PPP2R5B: variants seen among roughly 807,000 people sequenced by gnomAD.
PPP2R5B encodes the protein serine/threonine-protein phosphatase 2A 56 kDa regulatory subunit beta isoform.
Under a neutral mutation model 59.9 loss-of-function variants are expected in PPP2R5B, and 19 were observed. The ratio of observed to expected loss-of-function variants is 0.32; its 90% CI spans 0.22 to 0.47. The LOEUF (loss-of-function observed/expected upper bound fraction) is 0.47. Among genes scored for constraint, PPP2R5B ranks in the 20% least tolerant of loss-of-function variants. The probability of loss-of-function intolerance (pLI) is 1.00; values close to 1 mark genes in which losing one functional copy is unlikely to be tolerated. For missense variants in PPP2R5B, 441 were observed against 640.2 expected (o/e 0.69, Z 3.36); for synonymous variants, 286 against 260.5 (o/e 1.10, Z -0.94).
chr11:64,934,041 C>A lies in PPP2R5B; in HGVS notation c.*197C>A. On this transcript the variant is annotated 3_prime_UTR_variant, in exon 14 of 14. Transcript: ENST00000164133. The stretch of plus-strand genomic sequence containing the variant: ...TGGTCTTGGCAACAGAATGCTCAGC[C>A]CCTCGTGGCAGGACTTGACAAGGGC... 1.6e-6 allele frequency: 1 copy of A among 622,306 alleles called. No homozygotes were observed. Among genetic ancestry groups the A allele is most frequent in the Non-Finnish European group, 2.5e-6 (1 of 400,884 alleles). The allele number at this position is 622,306 out of a possible 1,614,324, so 38.5% of individuals were successfully genotyped here.
At chr11:64,933,070 G>C (rs1945244868) in intron 12 of PPP2R5B, 75 bp from the exon 13 acceptor site, 1 of 1,502,832 alleles carries the variant, frequency 6.7e-7, no homozygotes, top group African/African-American at 1.4e-5. Context: ...AATGCTGTAT[G>C]TGAAGGGCAG....
chr11:64,931,420 C>A lies in PPP2R5B; in HGVS notation c.892-16C>A. On this transcript the variant is annotated splice_polypyrimidine_tract_variant and intron_variant, in intron 8 of 13. Coordinates refer to ENST00000164133, the MANE Select transcript of PPP2R5B (RefSeq NM_006244.4). The surrounding 1 kb of genome is among the most constrained non-coding windows in gnomAD (Gnocchi z 5.0). ...CCTGACCTGTCTTCCTTCCCTCCAC[C>A]TGTCACCCCCTGCAGCTGGCATACT... 6.2e-7 allele frequency: 1 copy of A among 1,613,930 alleles called. No individual in the cohort carries two copies. The highest frequency in any genetic ancestry group is 1.1e-5 in the South Asian group (1 of 91,024).
intron 12 of PPP2R5B, 102 bp downstream of exon 12, chr11:64,932,994 G>A: frequency 3.9e-6 from 6 of 1,550,018 alleles, no homozygotes; most frequent in Non-Finnish European, 5.3e-6. Context: ...ATCAGAGAAA[G>A]CATCAAAAGA....
intron 11 of PPP2R5B, 74 bp from the exon 12 acceptor site, chr11:64,932,691 G>A: frequency 6.4e-7 from 1 of 1,564,742 alleles, no homozygotes; most frequent in Non-Finnish European, 8.7e-7. Flanking sequence ...CGTTGAGGTA[G>A]TGATGGACAC....
At position 64,925,738 on chromosome 11, in the gene PPP2R5B, G is replaced by A; in HGVS notation, c.4G>A (p.Glu2Lys). Residue 2 changes from glutamate to lysine, a missense_variant, in exon 2 of 14, where the codon GAG becomes AAG. Physicochemically the swap from Glu to Lys is moderately conservative, Grantham distance 56 (BLOSUM62 1). This residue lies in a region of PPP2R5B where 103 missense variants were observed against 87.9 expected (regional missense o/e 1.17). Coordinates refer to ENST00000164133, the MANE Select transcript of PPP2R5B (RefSeq NM_006244.4). This position sits in a 1 kb window ranked among gnomAD's most constrained non-coding sequence, Gnocchi z 4.6. Reference sequence around the variant, plus strand: ...CTTGCCCTGCCGCCTGACCGCCATGGAGACGAAGCTGCCCCCTGCAAGCAC... The same window carrying A: ...CTTGCCCTGCCGCCTGACCGCCATGAAGACGAAGCTGCCCCCTGCAAGCAC... M[E>K]TKLPPASTPT... 1 of 1,589,306 alleles carries A rather than the reference G, an allele frequency of 6.3e-7. No individual in the cohort carries two copies. The highest frequency in any genetic ancestry group is 8.6e-7 in the Non-Finnish European group (1 of 1,164,274).
At position 64,933,730 on chromosome 11, in the gene PPP2R5B, A is replaced by G; in HGVS notation, c.1380A>G (p.Leu460=). 1 of 1,558,034 alleles carries G rather than the reference A, an allele frequency of 6.4e-7. No individual in the cohort carries two copies. Among genetic ancestry groups the G allele is most frequent in the Non-Finnish European group, 8.7e-7 (1 of 1,150,438 alleles). Residue 460 remains leucine (L), a synonymous_variant, in exon 14 of 14, where the codon TTA becomes TTG. Coordinates refer to ENST00000164133, the MANE Select transcript of PPP2R5B (RefSeq NM_006244.4). ...EQQKAQERQE[L]WQGLEELRLR... is the part of the protein sequence containing the mutation. ...AGAAGGCCCAGGAGCGTCAGGAGTT[A>G]TGGCAAGGTCTGGAGGAGCTGCGGC...
chr11:64,927,039 C>CG, intron 3 of PPP2R5B, 131 bp downstream of exon 3: 1 of 1,075,612 alleles, frequency 9.3e-7, no homozygotes, highest in East Asian at 2.6e-5. Context: ...GTCTTCCTTC[C>CG]CCCCGACCTG....
chr11:64,930,233 G>A (rs1036940122), intron 6 of PPP2R5B, 89 bp from the exon 7 acceptor site: 69 of 1,411,826 alleles, frequency 4.9e-5, no homozygotes, highest in Middle Eastern at 2.4e-4. Context: ...TGAGCGTGCC[G>A]TGCAGGTGAG....
In PPP2R5B at chr11:64,930,928, CA is replaced by C. The variant is rs376687722; in HGVS notation, c.891+340del. 2.7e-3 allele frequency among the ~76,000 whole-genome samples: 407 copies of C among 152,132 alleles called. 1 individual carries two copies. The highest frequency in any genetic ancestry group is 9.3e-3 in the African/African-American group (386 of 41,488). ...GTACTCTGTTGCCTCAGCTGGAGAGCAGTGGTATGAACATGGCTCACTGAAG... is the reference window on the plus strand; with the variant it reads ...GTACTCTGTTGCCTCAGCTGGAGAGCGTGGTATGAACATGGCTCACTGAAG... On this transcript the variant is annotated intron_variant, in intron 8 of 13. Transcript: ENST00000164133.
At chr11:64,919,890 G>A (rs1357091704), upstream of PPP2R5B, among the ~76,000 whole-genome samples, 1 of 152,082 alleles carries the variant, frequency 6.6e-6, no homozygotes, top group Non-Finnish European at 1.5e-5. Flanking sequence ...GGAGACCAAG[G>A]CTACGTGCCT....
chr11:64,926,944 G>T, intron 3 of PPP2R5B, 36 bp downstream of exon 3: 4 of 1,598,854 alleles, frequency 2.5e-6, no homozygotes, highest in Non-Finnish European at 3.4e-6. Flanking sequence ...AGGGCCGGCC[G>T]AGAGGGCGTG....
Position 64,926,738 on chromosome 11 carries a change from C to T in PPP2R5B, c.226C>T (p.Leu76=), listed in dbSNP as rs1251850978. Residue 76 remains leucine (L), a synonymous_variant, in exon 3 of 14, where the codon CTG becomes TTG. Transcript: ENST00000164133. ...TGTGCCGGCTTCCGAGCTGCACGAG[C>T]TGCTGAGCCGGAAGCTGGCCCAGTG... ...KDVPASELHE[L]LSRKLAQCGV... The T allele has an allele frequency of 1.2e-6, 2 of 1,614,186 alleles. No homozygotes were observed. The highest frequency in any genetic ancestry group is 8.5e-7 in the Non-Finnish European group (1 of 1,180,020).
At position 64,925,634 on chromosome 11, in the gene PPP2R5B, A is replaced by C. The variant is rs1277687927; in HGVS notation, c.-101A>C. On this transcript the variant is annotated 5_prime_UTR_variant, in exon 2 of 14. Transcript: ENST00000164133. This position sits in a 1 kb window ranked among gnomAD's most constrained non-coding sequence, Gnocchi z 4.6. Reference sequence around the variant, plus strand: ...GTTGTGCCCCCCCCCCAAAGGCCGGACAGGATGGGACCAAGTTAGTCTGTC... The same window carrying C: ...GTTGTGCCCCCCCCCCAAAGGCCGGCCAGGATGGGACCAAGTTAGTCTGTC... The C allele has an allele frequency of 2.1e-3, 725 of 340,388 alleles. No individual in the cohort carries two copies. The highest frequency in any genetic ancestry group is 5.5e-3 in the East Asian group (53 of 9,684). The allele number at this position is 340,388 out of a possible 1,614,324, so 21.1% of individuals were successfully genotyped here.
chr11:64,931,357 T>G lies in PPP2R5B; in HGVS notation c.892-79T>G. 1 of 1,495,910 alleles carries G rather than the reference T, an allele frequency of 6.7e-7. No individual in the cohort carries two copies. Among genetic ancestry groups the G allele is most frequent in the Non-Finnish European group, 9.2e-7 (1 of 1,081,516 alleles). 92.7% of individuals were successfully genotyped at this position (1,495,910 alleles called of 1,614,324 possible). A position where few individuals can be genotyped will look rare whatever the true frequency, so the allele number is the denominator to read the frequency against. On this transcript the variant is annotated intron_variant, in intron 8 of 13. Coordinates refer to ENST00000164133, the MANE Select transcript of PPP2R5B (RefSeq NM_006244.4). This position sits in a 1 kb window ranked among gnomAD's most constrained non-coding sequence, Gnocchi z 5.0. ...GCCGTGGGTGAGCAGTATTTGGCATTCTGTCCTGGACAGCAAGTCCTTGGC... is the reference window on the plus strand; with the variant it reads ...GCCGTGGGTGAGCAGTATTTGGCATGCTGTCCTGGACAGCAAGTCCTTGGC...
At chr11:64,920,956 T>TATATAC (rs1429901990), upstream of PPP2R5B, among the ~76,000 whole-genome samples, 1 of 146,690 alleles carries the variant, frequency 6.8e-6, no homozygotes, top group Non-Finnish European at 1.5e-5. Flanking sequence ...TATATATATA[T>TATATAC]ATATGTAATT....
At chr11:64,918,668 C>A (rs1034731417) in intron 1 of PPP2R5B, among the ~76,000 whole-genome samples, 4 of 152,098 alleles carry the variant, frequency 2.6e-5, no homozygotes, top group African/African-American at 9.7e-5. Flanking sequence ...GAGACAGAGT[C>A]TTGCTCTGTT....
rs199548017 is a variant in PPP2R5B, at chr11:64,931,897, G to C, written c.1116+29G>C. ...TGAGGCAGGACAGGCGGGGATGGGA[G>C]CAGGGCTGGCCTGGAAAGGTTGGGT... On this transcript the variant is annotated intron_variant, in intron 11 of 13. Transcript: ENST00000164133. This position sits in a 1 kb window ranked among gnomAD's most constrained non-coding sequence, Gnocchi z 5.0. The C allele has an allele frequency of 6.2e-7, 1 of 1,611,028 alleles. No homozygotes were observed. Among genetic ancestry groups the C allele is most frequent in the Non-Finnish European group, 8.5e-7 (1 of 1,178,706 alleles).
chr11:64,928,045 T>C (rs1302759599), intron 4 of PPP2R5B, 21 bp from the exon 5 acceptor site: 4 of 1,612,024 alleles, frequency 2.5e-6, no homozygotes, highest in Admixed American at 1.7e-5. Flanking sequence ...ACTCACCTTT[T>C]TGTCTGTCCC....
chr11:64,925,469 A>C lies in PPP2R5B; in HGVS notation c.-264-2A>C. ...CTTTCTGCCTGACTTCGTTTTCAAA[A>C]GAGCCAGGGTGGGAACCCTAACTGG... On this transcript the variant is annotated splice_acceptor_variant, in intron 1 of 13. Coordinates refer to ENST00000164133, the MANE Select transcript of PPP2R5B (RefSeq NM_006244.4). LOFTEE classifies it low-confidence loss of function (5UTR_SPLICE). The surrounding 1 kb of genome is among the most constrained non-coding windows in gnomAD (Gnocchi z 4.6). 2.6e-6 allele frequency: 1 copy of C among 383,186 alleles called. No individual in the cohort carries two copies. The highest frequency in any genetic ancestry group is 4.8e-6 in the Non-Finnish European group (1 of 210,442). 23.7% of individuals were successfully genotyped at this position (383,186 alleles called of 1,614,324 possible). A position where few individuals can be genotyped will look rare whatever the true frequency, so the allele number is the denominator to read the frequency against.
Sources: gnomAD v4.1 joint callset for allele counts (sites outside exome capture counted in the v4.1 genomes callset) on GRCh38, gnomAD v4.1.1 for gene constraint, gnomAD v4.1.1 regional missense constraint, Gnocchi (gnomAD v3.1) non-coding constraint, MANE v1.5 for transcripts, NCBI Gene and HGNC (gene_info 2026-07-23, HGNC 2026-07-21) for gene names.